ANXA6: variants seen among roughly 807,000 people sequenced by gnomAD.
ANXA6 encodes annexin A6.
In ANXA6, 71 loss-of-function variants were observed where a neutral mutation model predicts 95.4. The observed-to-expected ratio is 0.74, with a 90% CI of 0.61 to 0.91. The LOEUF (loss-of-function observed/expected upper bound fraction) is 0.91, where lower values mean the gene tolerates loss of function less well. ANXA6 is among the 40% of genes least tolerant of loss of function. The pLI is 0.00. For missense variants in ANXA6, 830 were observed against 876.4 expected, an observed-to-expected ratio of 0.95 and a Z score of 0.67; for synonymous variants, 289 against 315.9, an observed-to-expected ratio of 0.91 and a Z score of 0.90.
In ANXA6 at chr5:151,129,425, G is replaced by A. The variant is rs1765427196; in HGVS notation, c.900C>T (p.Ser300=). Residue 300 remains serine, a synonymous_variant, in exon 12 of 26, where the codon TCC becomes TCT. Coordinates refer to ENST00000354546, the MANE Select transcript of ANXA6 (RefSeq NM_001155.5). The part of the protein sequence containing the change: ...REIFRTKYEK[S]LYSMIKNDTS... ...TGCTGACCTTGATCATGCTGTAGAG[G>A]GACTTCTCATACTTGGTCCGGAAGA... 8 of 1,613,268 alleles carry A rather than the reference G, an allele frequency of 5.0e-6. No homozygotes were observed. The highest frequency in any genetic ancestry group is 5.9e-6 in the Non-Finnish European group (7 of 1,179,868).
chr5:151,157,477 C>T (rs895277097), intron 1 of ANXA6, among the ~76,000 whole-genome samples: 3 of 152,238 alleles, frequency 2.0e-5, no homozygotes, highest in African/African-American at 7.2e-5. Flanking sequence ...GCCCGCGCCT[C>T]TCCGCCCCGA....
At chr5:151,132,752 T>C (rs1247389584) in intron 9 of ANXA6, among the ~76,000 whole-genome samples, 181 bp from the exon 10 acceptor site, 3 of 151,928 alleles carry the variant, frequency 2.0e-5, no homozygotes, top group African/African-American at 7.3e-5. Context: ...GCAGATGAGC[T>C]TCATAGCTGG....
At chr5:151,116,334 C>T (rs539765692) in intron 20 of ANXA6, among the ~76,000 whole-genome samples, 13 of 152,192 alleles carry the variant, frequency 8.5e-5, no homozygotes, top group Non-Finnish European at 1.9e-4. Flanking sequence ...ATGAGGCAGT[C>T]AGAAGAGATG....
At chr5:151,143,946 C>T (rs1018313285) in intron 2 of ANXA6, among the ~76,000 whole-genome samples, 2 of 152,122 alleles carry the variant, frequency 1.3e-5, no homozygotes, top group East Asian at 3.9e-4. Flanking sequence ...AGACACATGA[C>T]AAAGACCTGG....
chr5:151,107,312 G>A (rs759105042), intron 23 of ANXA6, among the ~76,000 whole-genome samples: 1 of 152,220 alleles, frequency 6.6e-6, no homozygotes, highest in Admixed American at 6.5e-5. Context: ...GGGCACTGTT[G>A]TTATCTCCAC....
At chr5:151,117,410 A>G (rs1183594118) in intron 19 of ANXA6, among the ~76,000 whole-genome samples, 1 of 152,230 alleles carries the variant, frequency 6.6e-6, no homozygotes, top group Non-Finnish European at 1.5e-5. Context: ...GTAACTGTCA[A>G]TGAGGGTCTG....
chr5:151,134,811 G>A (rs987672029), intron 7 of ANXA6, among the ~76,000 whole-genome samples: 4 of 152,162 alleles, frequency 2.6e-5, no homozygotes, highest in Admixed American at 6.5e-5. Flanking sequence ...CCAGGTTCTC[G>A]AGGGTCCCTG....
At position 151,122,146 on chromosome 5, in the gene ANXA6, C is replaced by T; in HGVS notation, c.1347+1G>A. On this transcript the variant is annotated splice_donor_variant, in intron 17 of 25. Coordinates refer to ENST00000354546, the MANE Select transcript of ANXA6 (RefSeq NM_001155.5). LOFTEE classifies it high-confidence loss of function. Reference sequence around the variant, plus strand: ...CTAGACCCCCTGGTGCCACACTGTACCTCCATGGCCTTCTTCAACTGCTTG... The same window carrying T: ...CTAGACCCCCTGGTGCCACACTGTATCTCCATGGCCTTCTTCAACTGCTTG... The T allele has an allele frequency of 6.3e-7, 1 of 1,581,118 alleles. No individual in the cohort carries two copies. Among genetic ancestry groups the T allele is most frequent in the East Asian group, 2.3e-5 (1 of 43,166 alleles).
intron 14 of ANXA6, among the ~76,000 whole-genome samples, chr5:151,124,747 C>A (rs1174203587): frequency 6.6e-6 from 1 of 152,198 alleles, no homozygotes; most frequent in East Asian, 1.9e-4. Context: ...GCCCCCGAGG[C>A]CCCCTCTGCC....
At chr5:151,149,405 A>C (rs902456305) in intron 1 of ANXA6, among the ~76,000 whole-genome samples, 2 of 152,178 alleles carry the variant, frequency 1.3e-5, no homozygotes, top group African/African-American at 4.8e-5. Context: ...GGAGGGCAAC[A>C]GATGAAAGTT....
intron 1 of ANXA6, among the ~76,000 whole-genome samples, chr5:151,150,743 G>A (rs550186660): frequency 6.6e-6 from 1 of 152,178 alleles, no homozygotes; most frequent in African/African-American, 2.4e-5. Flanking sequence ...GGGAGGAGGG[G>A]GCCCACATCT....
chr5:151,111,687 C>A (rs548248561), intron 20 of ANXA6, among the ~76,000 whole-genome samples: 16 of 152,334 alleles, frequency 1.1e-4, no homozygotes, highest in Admixed American at 9.8e-4. Flanking sequence ...CTCCTGGGCT[C>A]AAGCGATTCT....
At position 151,132,619 on chromosome 5, in the gene ANXA6, C is replaced by T. The variant is rs753645424; in HGVS notation, c.641-48G>A. On this transcript the variant is annotated intron_variant, in intron 9 of 25. Transcript: ENST00000354546. ...GAGGTTTGAGAGTGCCTCTGTACCC[C>T]CGAGAAGAAATGAGGACTTCAAGAG... is the stretch of plus-strand genomic sequence containing the variant. 5.3e-6 allele frequency: 8 copies of T among 1,514,732 alleles called. No homozygotes were observed. The African/African-American group carries it at 9.7e-5, about 18-fold the overall frequency. 93.8% of individuals were successfully genotyped at this position (1,514,732 alleles called of 1,614,324 possible).
rs949765851 is a variant in ANXA6, at chr5:151,122,250, G to A, written c.1244C>T (p.Thr415Ile). 6.2e-7 allele frequency: 1 copy of A among 1,602,860 alleles called. No homozygotes were observed. The highest frequency in any genetic ancestry group is 1.7e-5 in the Admixed American group (1 of 58,362). The change falls in exon 17 of 26, where the codon ACT (threonine) becomes ATT (isoleucine). Residue 415 changes from threonine to isoleucine, a missense_variant. Thr to Ile is a moderately conservative substitution (Grantham distance 89). Coordinates refer to ENST00000354546, the MANE Select transcript of ANXA6 (RefSeq NM_001155.5). ...TCCAGAGATCTCAGACTTCAGGTCA[G>A]TCATTAAGTCCTGCAAAGGGCAGAG... is the stretch of plus-strand genomic sequence containing the variant. ...FKSHFGRDLM[T>I]DLKSEISGDL...
In ANXA6 at chr5:151,136,349, C is replaced by A. The variant is rs368656092; in HGVS notation, c.410-14G>T. 6 of 1,613,602 alleles carry A rather than the reference C, an allele frequency of 3.7e-6. No homozygotes were observed. Among genetic ancestry groups the A allele is most frequent in the Non-Finnish European group, 5.1e-6 (6 of 1,179,610 alleles). On this transcript the variant is annotated splice_polypyrimidine_tract_variant and intron_variant, in intron 6 of 25. Coordinates refer to ENST00000354546, the MANE Select transcript of ANXA6 (RefSeq NM_001155.5). ...CCCGCTCGTAGGCTGCAGAAAGGAACGCAAGCTCTAGTCTCATCCCCAGAG... is the reference window on the plus strand; with the variant it reads ...CCCGCTCGTAGGCTGCAGAAAGGAAAGCAAGCTCTAGTCTCATCCCCAGAG...
chr5:151,143,707 G>T (rs1430977795), intron 2 of ANXA6, among the ~76,000 whole-genome samples: 4 of 152,086 alleles, frequency 2.6e-5, no homozygotes, highest in Non-Finnish European at 5.9e-5. Flanking sequence ...TGTCTCTCTT[G>T]CTCACTGACG....
In ANXA6 at chr5:151,122,923, A is replaced by G. The variant is rs1765211122; in HGVS notation, c.1227T>C (p.Phe409=). 5 of 1,613,830 alleles carry G rather than the reference A, an allele frequency of 3.1e-6. No individual in the cohort carries two copies. The South Asian group carries it at 5.5e-5, about 18-fold the overall frequency. Residue 409 remains phenylalanine (F), a synonymous_variant, in exon 16 of 26, where the codon TTT becomes TTC. Transcript: ENST00000354546. ...CCCAGGAGGAGGTCCTTACCCGGCC[A>G]AAGTGAGACTTGAAGGTCTGCCGGA... is the stretch of plus-strand genomic sequence containing the variant. ...QQIRQTFKSH[F]GRDLMTDLKS...
chr5:151,103,767 C>T, intron 24 of ANXA6, 75 bp from the exon 25 acceptor site: 1 of 1,489,820 alleles, frequency 6.7e-7, no homozygotes, highest in South Asian at 1.3e-5. Context: ...ACAGTGGTAT[C>T]CCATCTGCCT....
At chr5:151,140,931 G>C (rs1454667215) in intron 2 of ANXA6, among the ~76,000 whole-genome samples, 1 of 152,204 alleles carries the variant, frequency 6.6e-6, no homozygotes, top group Non-Finnish European at 1.5e-5. Context: ...CAGGAACCTT[G>C]CAGGTGCCAG....
Sources: gnomAD v4.1 joint callset for allele counts (sites outside exome capture counted in the v4.1 genomes callset) on GRCh38, gnomAD v4.1.1 for gene constraint, MANE v1.5 for transcripts, NCBI Gene and HGNC (gene_info 2026-07-23, HGNC 2026-07-21) for gene names.